The following ITGBL1 variants were observed in gnomAD, a reference collection of about 807,000 sequenced individuals.
ITGBL1 encodes integrin beta-like protein 1.
In ITGBL1, 51 loss-of-function variants were observed where a neutral mutation model predicts 68.5. The observed-to-expected ratio is 0.74, with a 90% CI of 0.59 to 0.94. The LOEUF is 0.94. Ranked by LOEUF, ITGBL1 falls within the 40% of genes least tolerant of loss-of-function variation. ITGBL1 has a pLI of 0.00. For synonymous variants in ITGBL1, 209 were observed against 227.3 expected (o/e 0.92, Z 0.72); for missense variants, 649 against 647.4 (o/e 1.00, Z -0.03).
intron 7 of ITGBL1, among the ~76,000 whole-genome samples, chr13:101,623,752 C>G (rs1270456118): frequency 6.6e-6 from 1 of 152,198 alleles, no homozygotes; most frequent in Admixed American, 6.5e-5. Context: ...GGACAATTAA[C>G]AAATGACCTT....
At chr13:101,563,696 C>G (rs2050136381) in intron 2 of ITGBL1, among the ~76,000 whole-genome samples, 1 of 151,848 alleles carries the variant, frequency 6.6e-6, no homozygotes, top group African/African-American at 2.4e-5. Context: ...AATGATTTTA[C>G]TAGCAAATTC....
intron 2 of ITGBL1, among the ~76,000 whole-genome samples, chr13:101,478,024 C>T (rs1211557011): frequency 6.6e-6 from 1 of 151,978 alleles, no homozygotes; most frequent in African/African-American, 2.4e-5. Context: ...CAGACAAAAA[C>T]ACATCAAAGT....
chr13:101,595,903 C>G (rs1369259991), intron 6 of ITGBL1, among the ~76,000 whole-genome samples: 1 of 152,106 alleles, frequency 6.6e-6, no homozygotes, highest in Non-Finnish European at 1.5e-5. Flanking sequence ...GTCACTGCAG[C>G]ATTACTCCTA....
At chr13:101,570,228 G>T (rs958352877) in intron 3 of ITGBL1, among the ~76,000 whole-genome samples, 14 of 152,164 alleles carry the variant, frequency 9.2e-5, no homozygotes, top group African/African-American at 3.4e-4. Flanking sequence ...TAATTATTCT[G>T]GTGCACAGAG....
chr13:101,619,118 T>C (rs934931769), intron 7 of ITGBL1, among the ~76,000 whole-genome samples: 1 of 152,088 alleles, frequency 6.6e-6, no homozygotes, highest in African/African-American at 2.4e-5. Context: ...GCCTTCTTAA[T>C]GTAACAAAGA....
At chr13:101,602,701 C>A (rs1370457081) in intron 7 of ITGBL1, among the ~76,000 whole-genome samples, 3 of 151,878 alleles carry the variant, frequency 2.0e-5, no homozygotes, top group Admixed American at 2.0e-4. Context: ...TCATAAAATA[C>A]CCTGTTACCC....
chr13:101,576,318 T>C (rs2050358491), intron 4 of ITGBL1, among the ~76,000 whole-genome samples: 1 of 152,152 alleles, frequency 6.6e-6, no homozygotes, highest in Non-Finnish European at 1.5e-5. Flanking sequence ...ATCAGTGCCT[T>C]AGAGCTCAGA....
chr13:101,610,256 G>C (rs1477244276), intron 7 of ITGBL1, among the ~76,000 whole-genome samples: 1 of 152,050 alleles, frequency 6.6e-6, no homozygotes, highest in Non-Finnish European at 1.5e-5. Flanking sequence ...AATTTGCTCT[G>C]GTTATCAGCC....
At position 101,598,298 on chromosome 13, in the gene ITGBL1, G is replaced by A; in HGVS notation, c.1014G>A (p.Arg338=). The change falls in exon 7 of 11, where the codon AGG becomes AGA. Residue 338 remains arginine, a splice_region_variant and synonymous_variant. Coordinates refer to ENST00000376180, the MANE Select transcript of ITGBL1 (RefSeq NM_004791.3). The part of the protein sequence containing the change: ...QGSSDLPCSG[R]GKCECGKCTC... ...GCTCGGATCTGCCTTGCTCTGGGAG[G>A]GGTAAGTGAGGTCTCTCAGGGCTTC... is the stretch of plus-strand genomic sequence containing the variant. 1 of 1,601,018 alleles carries A rather than the reference G, an allele frequency of 6.2e-7. No homozygotes were observed. The highest frequency in any genetic ancestry group is 8.5e-7 in the Non-Finnish European group (1 of 1,174,378).
chr13:101,452,932 G>A lies in ITGBL1; in HGVS notation c.98+1G>A. ...CTCAAAGCTTCTCGCCATCTCTGAG[G>A]TAAGTTTGGTTTGTTATTCTTCAGT... is the stretch of plus-strand genomic sequence containing the variant. On this transcript the variant is annotated splice_donor_variant, in intron 1 of 10. Coordinates refer to ENST00000376180, the MANE Select transcript of ITGBL1 (RefSeq NM_004791.3). LOFTEE classifies it high-confidence loss of function. 3 of 1,613,842 alleles carry A rather than the reference G, an allele frequency of 1.9e-6. No homozygotes were observed. Among genetic ancestry groups the A allele is most frequent in the Non-Finnish European group, 2.5e-6 (3 of 1,179,702 alleles).
intron 1 of ITGBL1, 28 bp downstream of exon 1, chr13:101,452,959 C>T: frequency 4.5e-6 from 7 of 1,569,204 alleles, no homozygotes; most frequent in Non-Finnish European, 6.1e-6. Context: ...TTCTTCAGTA[C>T]AGACCTGCCC....
At chr13:101,654,842 G>C (rs1182479529) in intron 7 of ITGBL1, among the ~76,000 whole-genome samples, 1 of 152,070 alleles carries the variant, frequency 6.6e-6, no homozygotes, top group African/African-American at 2.4e-5. Context: ...AACATTTCCA[G>C]GTCTGGGAGG....
intron 7 of ITGBL1, among the ~76,000 whole-genome samples, chr13:101,689,843 C>T (rs1027215862): frequency 3.9e-5 from 6 of 152,088 alleles, no homozygotes; most frequent in Non-Finnish European, 7.4e-5. Flanking sequence ...AAGAATTTAT[C>T]CTTTTGAGTT....
At chr13:101,644,904 A>G (rs1180275143) in intron 7 of ITGBL1, among the ~76,000 whole-genome samples, 1 of 152,214 alleles carries the variant, frequency 6.6e-6, no homozygotes, top group Non-Finnish European at 1.5e-5. Flanking sequence ...GAGAGAAAAT[A>G]TTGTCAGTTT....
intron 2 of ITGBL1, among the ~76,000 whole-genome samples, chr13:101,485,881 T>C (rs2048695533): frequency 1.3e-5 from 2 of 152,190 alleles, no homozygotes; most frequent in African/African-American, 4.8e-5. Flanking sequence ...GGCACACTTT[T>C]ACACTGCTGG....
At chr13:101,712,206 T>C (rs1411001844) in intron 9 of ITGBL1, 1 of 152,196 alleles carries the variant, frequency 6.6e-6, no homozygotes, top group African/African-American at 2.4e-5. Flanking sequence ...GCACTGAGCA[T>C]TGACAAACAG....
intron 7 of ITGBL1, among the ~76,000 whole-genome samples, chr13:101,620,590 G>A (rs1318143627): frequency 2.6e-5 from 4 of 152,044 alleles, no homozygotes; most frequent in African/African-American, 9.7e-5. Context: ...CAGAAGTGAT[G>A]GTACCCCACT....
chr13:101,708,062 C>CACACACAT (rs1320660255), intron 9 of ITGBL1, among the ~76,000 whole-genome samples: 10 of 147,980 alleles, frequency 6.8e-5, no homozygotes, highest in South Asian at 4.4e-4. Flanking sequence ...CACACACACA[C>CACACACAT]ACACACATAC....
chr13:101,453,940 C>T lies in ITGBL1; in HGVS notation c.156C>T (p.Arg52=), dbSNP rs567083726. The T allele has an allele frequency of 4.2e-6, 6 of 1,418,796 alleles. No individual in the cohort carries two copies. Among genetic ancestry groups the T allele is most frequent in the Middle Eastern group, 2.1e-4 (1 of 4,876 alleles). 87.9% of individuals were successfully genotyped at this position (1,418,796 alleles called of 1,614,324 possible). A position where few individuals can be genotyped will look rare whatever the true frequency, so the allele number is the denominator to read the frequency against. The change falls in exon 2 of 11, where the codon CGC becomes CGT. Residue 52 remains arginine (R), a synonymous_variant. Coordinates refer to ENST00000376180, the MANE Select transcript of ITGBL1 (RefSeq NM_004791.3). ...LSRAESERRC[R]APGQPPGAAL... ...GGGCCGAGTCGGAGCGACGCTGCCG[C>T]GCACCTGGGCAGCCCCCGGGGGCCG...
Sources: allele counts gnomAD v4.1 joint callset (sites outside exome capture counted in the v4.1 genomes callset), GRCh38; gene constraint gnomAD v4.1.1; transcripts MANE v1.5; gene names NCBI Gene and HGNC (gene_info 2026-07-23, HGNC 2026-07-21).